MAGI2: variants seen among roughly 807,000 people sequenced by gnomAD.
MAGI2 encodes membrane-associated guanylate kinase, WW and PDZ domain-containing protein 2.
MAGI2 carries 35 observed loss-of-function variants against 133.3 expected under a neutral mutation model. That is an observed-to-expected ratio of 0.26 (90% confidence interval 0.20 to 0.35). The LOEUF (loss-of-function observed/expected upper bound fraction) is 0.35, where lower values mean the gene tolerates loss of function less well. MAGI2 is among the 10% of genes least tolerant of loss of function. The pLI, the probability that MAGI2 is intolerant of heterozygous loss-of-function variation, is 1.00. For synonymous variants in MAGI2, 729 were observed against 710.6 expected (o/e 1.03, Z -0.41); for missense variants, 1,636 against 1,863.4 (o/e 0.88, Z 2.25).
Position 78,785,139 on chromosome 7 carries a change from G to A in MAGI2, c.419-157900C>T, listed in dbSNP as rs1417005721. On this transcript the variant is annotated intron_variant, in intron 2 of 21. Coordinates refer to ENST00000354212, the MANE Select transcript of MAGI2 (RefSeq NM_012301.4). ...AATAAAGTTATCACCCTAGAGCTTT[G>A]TTATAACATAATTTGAAGCTATCAT... 2.0e-5 allele frequency among the ~76,000 whole-genome samples: 3 copies of A among 152,164 alleles called. 1 individual carries two copies. Among genetic ancestry groups the A allele is most frequent in the South Asian group, 4.2e-4 (2 of 4,816 alleles).
intron 10 of MAGI2, among the ~76,000 whole-genome samples, chr7:78,223,269 C>T (rs1485510219): frequency 1.3e-5 from 2 of 151,966 alleles, no homozygotes; most frequent in Non-Finnish European, 2.9e-5. Context: ...TTCCCCAGAC[C>T]ATTTGTTCTT....
chr7:78,673,420 A>AGCCAAGT (rs1563334326), intron 2 of MAGI2, among the ~76,000 whole-genome samples: 1 of 151,948 alleles, frequency 6.6e-6, no homozygotes, highest in Admixed American at 6.6e-5. Context: ...GACCCAGGAC[A>AGCCAAGT]GCCAAGTACC....
chr7:78,631,454 C>T (rs528533980), intron 2 of MAGI2, among the ~76,000 whole-genome samples: 1 of 152,190 alleles, frequency 6.6e-6, no homozygotes, highest in South Asian at 2.1e-4. Context: ...CCTGATGAGC[C>T]CTGGTGAAGC....
At chr7:78,345,684 C>G (rs966897959) in intron 8 of MAGI2, 7 of 473,710 alleles carry the variant, frequency 1.5e-5, no homozygotes, top group African/African-American at 9.9e-5. Context: ...CCATTAATCT[C>G]CACGTGGTGA....
At chr7:79,254,090 C>T (rs1833516812) in intron 1 of MAGI2, among the ~76,000 whole-genome samples, 1 of 150,862 alleles carries the variant, frequency 6.6e-6, no homozygotes, top group Non-Finnish European at 1.5e-5. Context: ...TTTTTTCAAT[C>T]ATATATGGAA....
intron 1 of MAGI2, among the ~76,000 whole-genome samples, chr7:79,219,228 G>A (rs571777965): frequency 2.6e-5 from 4 of 152,014 alleles, no homozygotes; most frequent in South Asian, 4.1e-4. Flanking sequence ...CATGGCCAAC[G>A]TTGTTTACTC....
intron 1 of MAGI2, among the ~76,000 whole-genome samples, chr7:79,427,594 G>C (rs907098869): frequency 2.6e-5 from 4 of 152,128 alleles, no homozygotes; most frequent in Non-Finnish European, 5.9e-5. Flanking sequence ...TTGAGGAAGG[G>C]AGAGAAGGAT....
chr7:79,228,305 T>A (rs1459135740), intron 1 of MAGI2, among the ~76,000 whole-genome samples: 1 of 123,140 alleles, frequency 8.1e-6, no homozygotes, highest in Non-Finnish European at 1.6e-5. Flanking sequence ...ATAACACCAC[T>A]GCACCCCAGG....
chr7:78,905,676 C>T (rs887009747), intron 2 of MAGI2, among the ~76,000 whole-genome samples: 1 of 152,122 alleles, frequency 6.6e-6, no homozygotes, highest in African/African-American at 2.4e-5. Context: ...GATAGATGGT[C>T]TTCTGGTTGT....
intron 1 of MAGI2, among the ~76,000 whole-genome samples, chr7:79,333,772 A>T (rs969403930): frequency 8.5e-5 from 13 of 152,202 alleles, no homozygotes; most frequent in Non-Finnish European, 1.5e-4. Context: ...TAAAAAAGAC[A>T]ATGGAGTTAA....
At chr7:78,649,939 A>C (rs899434736) in intron 2 of MAGI2, among the ~76,000 whole-genome samples, 12 of 152,030 alleles carry the variant, frequency 7.9e-5, no homozygotes, top group African/African-American at 2.9e-4. Flanking sequence ...TGTGTGTAGG[A>C]CTCTCCTTTA....
At chr7:78,916,578 G>T (rs1478154478) in intron 2 of MAGI2, among the ~76,000 whole-genome samples, 1 of 151,974 alleles carries the variant, frequency 6.6e-6, no homozygotes, top group Non-Finnish European at 1.5e-5. Context: ...GCAGAGGAGG[G>T]GATGCACAAA....
At chr7:78,670,057 G>A (rs1277345760) in intron 2 of MAGI2, among the ~76,000 whole-genome samples, 1 of 151,560 alleles carries the variant, frequency 6.6e-6, no homozygotes, top group African/African-American at 2.4e-5. Context: ...ACATAGTGTT[G>A]GAAGTTCTGG....
At chr7:78,382,705 TTCTA>T (rs1386648368) in intron 6 of MAGI2, among the ~76,000 whole-genome samples, 1 of 152,082 alleles carries the variant, frequency 6.6e-6, no homozygotes, top group Admixed American at 6.6e-5. Context: ...AATTTATTCC[TTCTA>T]TCTTATTGTA....
chr7:78,111,089 A>G (rs916061969), intron 20 of MAGI2, among the ~76,000 whole-genome samples: 3 of 152,240 alleles, frequency 2.0e-5, no homozygotes, highest in Non-Finnish European at 4.4e-5. Context: ...TGGAATGACA[A>G]AGAATCTCAA....
At chr7:79,357,508 G>A (rs1342575831) in intron 1 of MAGI2, among the ~76,000 whole-genome samples, 1 of 152,156 alleles carries the variant, frequency 6.6e-6, no homozygotes, top group East Asian at 1.9e-4. Flanking sequence ...TCTTAAGGCT[G>A]CCCTGCTTTA....
chr7:78,033,119 G>T (rs919764301), intron 21 of MAGI2, among the ~76,000 whole-genome samples: 2 of 152,110 alleles, frequency 1.3e-5, no homozygotes, highest in Admixed American at 6.5e-5. Flanking sequence ...TGGTAGCTTG[G>T]ATGTGGGTGA....
At chr7:78,926,791 A>G (rs920420381) in intron 2 of MAGI2, among the ~76,000 whole-genome samples, 1 of 151,930 alleles carries the variant, frequency 6.6e-6, no homozygotes, top group African/African-American at 2.4e-5. Flanking sequence ...TGTAATTTAA[A>G]CTGTGTAGGA....
chr7:79,000,613 C>T (rs746675868), intron 2 of MAGI2, among the ~76,000 whole-genome samples: 1 of 152,080 alleles, frequency 6.6e-6, no homozygotes, highest in Non-Finnish European at 1.5e-5. Flanking sequence ...CATAGCTATA[C>T]CTTTTGGTGT....
Sources: allele counts gnomAD v4.1 joint callset (sites outside exome capture counted in the v4.1 genomes callset), GRCh38; gene constraint gnomAD v4.1.1; transcripts MANE v1.5; gene names NCBI Gene and HGNC (gene_info 2026-07-23, HGNC 2026-07-21).